Variants in GREB1 observed in about 807,000 individuals in gnomAD.
GREB1 encodes the protein protein GREB1.
In GREB1, 106 loss-of-function variants were observed where a neutral mutation model predicts 200.7. The ratio of observed to expected loss-of-function variants is 0.53; its 90% CI spans 0.45 to 0.62. The LOEUF is 0.62. GREB1 is among the 20% of genes least tolerant of loss of function. The pLI, the probability that GREB1 is intolerant of heterozygous loss-of-function variation, is 0.00. For missense variants in GREB1, 2,243 were observed against 2,556.8 expected (o/e 0.88, Z 2.65); for synonymous variants, 1,132 against 1,092.4 (o/e 1.04, Z -0.72).
chr2:11,599,340 T>TG (rs1392824506), intron 15 of GREB1, among the ~76,000 whole-genome samples: 1 of 150,720 alleles, frequency 6.6e-6, no homozygotes, highest in East Asian at 2.0e-4. Flanking sequence ...TTCTTTTTTT[T>TG]TTTTTTTTCC....
chr2:11,618,886 C>T lies in GREB1; in HGVS notation c.4011C>T (p.His1337=), dbSNP rs752451283. The T allele has an allele frequency of 3.9e-6, 6 of 1,555,606 alleles. No homozygotes were observed. The Admixed American group carries it at 5.3e-5, about 14-fold the overall frequency. ...NRAEGRVDGF[H]PRRLLLSGPP... is the part of the protein sequence containing the mutation. The stretch of plus-strand genomic sequence containing the variant: ...CCGAGGGCCGCGTGGACGGCTTCCA[C>T]CCCCGCAGGCTGCTGCTCAGCGGCC... The change falls in exon 22 of 33, where the codon CAC becomes CAT. Residue 1337 remains histidine, a synonymous_variant. Coordinates refer to ENST00000381486, the MANE Select transcript of GREB1 (RefSeq NM_014668.4).
chr2:11,556,801 T>C (rs778098222), intron 2 of GREB1, 30 bp downstream of exon 2: 2 of 1,583,292 alleles, frequency 1.3e-6, no homozygotes, highest in Admixed American at 1.7e-5. Context: ...TTTATCTGTG[T>C]ATTTCTTTTA....
rs1033946305 is a variant in GREB1, at chr2:11,588,359, G to A, written c.1160-387G>A. 3.5e-5 allele frequency: 32 copies of A among 916,812 alleles called. No homozygotes were observed. In the African/African-American group the frequency reaches 4.1e-4, roughly 12 times the overall value. 56.8% of individuals were successfully genotyped at this position (916,812 alleles called of 1,614,324 possible). ...CTTGGAGTCAGGGAGGCAAGACCTG[G>A]CAGGCAGCACCCAGTGAAGCTCTGG... On this transcript the variant is annotated intron_variant, in intron 9 of 32. Coordinates refer to ENST00000381486, the MANE Select transcript of GREB1 (RefSeq NM_014668.4).
At chr2:11,608,294 AACC>A (rs1203222257) in intron 17 of GREB1, among the ~76,000 whole-genome samples, 2 of 152,228 alleles carry the variant, frequency 1.3e-5, no homozygotes, top group African/African-American at 4.8e-5. Flanking sequence ...CTAGATTTTT[AACC>A]ATATAGAATA....
At chr2:11,607,515 CATACAT>C (rs1304614802) in intron 17 of GREB1, among the ~76,000 whole-genome samples, 33 of 113,272 alleles carry the variant, frequency 2.9e-4, no homozygotes, top group African/African-American at 1.2e-3. Context: ...CATATATGTA[CATACAT>C]ATATATACAC....
chr2:11,543,252 T>TA (rs1473504144), intron 1 of GREB1, among the ~76,000 whole-genome samples: 1 of 152,218 alleles, frequency 6.6e-6, no homozygotes, highest in African/African-American at 2.4e-5. Flanking sequence ...GAAGTTTAAT[T>TA]AATTCCATTG....
At chr2:11,637,640 C>A in intron 30 of GREB1, 76 bp from the exon 31 acceptor site, 1 of 1,380,738 alleles carries the variant, frequency 7.2e-7, no homozygotes, top group East Asian at 2.3e-5. Flanking sequence ...CTTGGGCCAC[C>A]CTTGCAGCCC....
At chr2:11,566,770 C>A (rs575564479) in intron 4 of GREB1, 114 bp downstream of exon 4, 1 of 873,418 alleles carries the variant, frequency 1.1e-6, no homozygotes, top group South Asian at 1.9e-5. Flanking sequence ...GGACCCCAGG[C>A]GCAGCATGCA....
At chr2:11,522,736 G>T (rs556596566) in intron 1 of GREB1, among the ~76,000 whole-genome samples, 1 of 152,182 alleles carries the variant, frequency 6.6e-6, no homozygotes, top group African/African-American at 2.4e-5. Context: ...GGAGGCTTCC[G>T]CTGGGGAGCA....
Position 11,620,984 on chromosome 2 carries a change from A to G in GREB1, c.4124A>G (p.Tyr1375Cys). Residue 1375 changes from tyrosine (Y) to cysteine (C), a missense_variant, in exon 23 of 33, where the codon TAT (tyrosine) becomes TGT (cysteine). Coordinates refer to ENST00000381486, the MANE Select transcript of GREB1 (RefSeq NM_014668.4). The part of the protein sequence containing the change: ...MLVRLTEVDV[Y>C]DEEEININLR... ...GTTCGGCTCACAGAAGTGGATGTCT[A>G]TGACGAGGAGGAGATCAATATCAGT... 1 of 1,608,460 alleles carries G rather than the reference A, an allele frequency of 6.2e-7. No individual in the cohort carries two copies. The highest frequency in any genetic ancestry group is 8.5e-7 in the Non-Finnish European group (1 of 1,174,788).
rs71393889 is a variant in GREB1 at position 11,515,108 on chromosome 2, T to TTCCATCCATCCA, written c.-159+32744_-159+32755dup. 2.1e-5 allele frequency among the ~76,000 whole-genome samples: 3 copies of TTCCATCCATCCA among 143,062 alleles called. No individual in the cohort carries two copies. The South Asian group carries it at 6.8e-4, about 32-fold the overall frequency. The allele number at this position is 143,062 out of a possible 152,430, so 93.9% of individuals were successfully genotyped here. A position where few individuals can be genotyped will look rare whatever the true frequency, so the allele number is the denominator to read the frequency against. On this transcript the variant is annotated intron_variant, in intron 1 of 2. Coordinates refer to the GREB1 transcript ENST00000628795. Reference sequence around the variant, plus strand: ...CCCCCACCTGCCCATCTATCCATCCTTCCATCCATCCATCCATCCATCCAT... The same window carrying TTCCATCCATCCA: ...CCCCCACCTGCCCATCTATCCATCCTTCCATCCATCCATCCATCCATCCATCCATCCATCCAT...
chr2:11,594,362 C>CT (rs34387012), intron 11 of GREB1, among the ~76,000 whole-genome samples: 75,866 of 148,266 alleles, frequency 0.51, 19,294 homozygotes, highest in Middle Eastern at 0.6. Flanking sequence ...CATTTTTTTT[C>CT]TTTTTTTTTT....
intron 18 of GREB1, among the ~76,000 whole-genome samples, chr2:11,611,512 C>G (rs751015599): frequency 6.6e-6 from 1 of 152,158 alleles, no homozygotes; most frequent in Non-Finnish European, 1.5e-5. Context: ...CTCCATGTTG[C>G]CCCGGCTGAT....
At chr2:11,557,814 A>T (rs2147880601) in intron 2 of GREB1, among the ~76,000 whole-genome samples, 1 of 152,326 alleles carries the variant, frequency 6.6e-6, no homozygotes, top group Middle Eastern at 3.4e-3. Flanking sequence ...TGCATTAGGA[A>T]AACCAAGAAT....
chr2:11,556,016 C>G (rs907498948), intron 1 of GREB1, among the ~76,000 whole-genome samples: 2 of 152,096 alleles, frequency 1.3e-5, no homozygotes, highest in Non-Finnish European at 2.9e-5. Flanking sequence ...CCAGGTTTTC[C>G]AGATATAATT....
At chr2:11,520,790 T>C (rs1349766045) in intron 1 of GREB1, among the ~76,000 whole-genome samples, 1 of 152,202 alleles carries the variant, frequency 6.6e-6, no homozygotes, top group Non-Finnish European at 1.5e-5. Flanking sequence ...AAGTGCCATT[T>C]CCCACTAAGG....
At chr2:11,559,305 G>T (rs1249639809) in intron 2 of GREB1, among the ~76,000 whole-genome samples, 1 of 152,128 alleles carries the variant, frequency 6.6e-6, no homozygotes, top group African/African-American at 2.4e-5. Flanking sequence ...GTCTGCTCCC[G>T]GGCAGGAATG....
intron 1 of GREB1, among the ~76,000 whole-genome samples, chr2:11,551,331 C>A (rs1675802398): frequency 6.6e-6 from 1 of 152,192 alleles, no homozygotes; most frequent in South Asian, 2.1e-4. Context: ...ACTTTTTGTG[C>A]CTCACTCTTA....
chr2:11,627,138 C>A, intron 25 of GREB1, 34 bp downstream of exon 25: 1 of 1,540,352 alleles, frequency 6.5e-7, no homozygotes. Flanking sequence ...AGGCATTTCA[C>A]CTTGGCTCAC....
Sources: gnomAD v4.1 joint callset for allele counts (sites outside exome capture counted in the v4.1 genomes callset) on GRCh38, gnomAD v4.1.1 for gene constraint, MANE v1.5 for transcripts, NCBI Gene and HGNC (gene_info 2026-07-23, HGNC 2026-07-21) for gene names.